The following NEO1 variants were observed in gnomAD, a reference collection of about 807,000 sequenced individuals.
NEO1 encodes neogenin.
NEO1 carries 63 observed loss-of-function variants against 159.7 expected under a neutral mutation model. The observed-to-expected ratio is 0.39, with a 90% confidence interval of 0.32 to 0.49. The LOEUF is 0.49. Among genes scored for constraint, NEO1 ranks in the 20% least tolerant of loss-of-function variants. The probability of loss-of-function intolerance (pLI) is 0.85; values close to 1 mark genes in which losing one functional copy is unlikely to be tolerated. For missense variants in NEO1, 1,615 were observed against 1,831.0 expected, an observed-to-expected ratio of 0.88 and a Z score of 2.15; for synonymous variants, 633 against 662.0, an observed-to-expected ratio of 0.96 and a Z score of 0.67.
chr15:73,274,853 T>C (rs923133038), intron 21 of NEO1, 129 bp downstream of exon 21: 2 of 859,768 alleles, frequency 2.3e-6, no homozygotes, highest in Non-Finnish European at 3.6e-6. Context: ...CACACAGTTA[T>C]TGGCCAAAGT....
intron 1 of NEO1, among the ~76,000 whole-genome samples, chr15:73,076,882 T>A (rs998198438): frequency 2.0e-5 from 3 of 152,190 alleles, no homozygotes; most frequent in Non-Finnish European, 2.9e-5. Flanking sequence ...CAACTGTGTT[T>A]TCTTAGGTCC....
At chr15:73,135,838 T>C (rs1567281663) in intron 4 of NEO1, 53 bp from the exon 5 acceptor site, 1 of 1,425,294 alleles carries the variant, frequency 7.0e-7, no homozygotes, top group Non-Finnish European at 9.2e-7. Context: ...TTTTCAGGTA[T>C]TATTTTCCTA....
intron 14 of NEO1, 38 bp downstream of exon 14, chr15:73,258,914 T>C (rs2040489220): frequency 6.6e-7 from 1 of 1,525,140 alleles, no homozygotes; most frequent in Non-Finnish European, 9.1e-7. Flanking sequence ...ACACAATAGA[T>C]ACTAGCTGTA....
intron 7 of NEO1, among the ~76,000 whole-genome samples, chr15:73,193,295 A>T (rs2036340591): frequency 6.6e-6 from 1 of 152,088 alleles, no homozygotes; most frequent in South Asian, 2.1e-4. Context: ...GTAAAATTAT[A>T]GAGTCTAGCT....
rs79521488 is a variant in NEO1 at position 73,062,890 on chromosome 15, G to A, written c.130+10085G>A. Among the ~76,000 whole-genome samples, 1,311 of 152,274 alleles carry A rather than the reference G, an allele frequency of 8.6e-3. 23 individuals are homozygous for A. Among genetic ancestry groups the A allele is most frequent in the African/African-American group, 0.03 (1,237 of 41,554 alleles). On this transcript the variant is annotated intron_variant, in intron 1 of 28. Coordinates refer to ENST00000261908, the MANE Select transcript of NEO1 (RefSeq NM_002499.4). The stretch of plus-strand genomic sequence containing the variant: ...CAGTTGAAAAGTCTAGGCTAGAAAC[G>A]TAGGCTCACAGGTTATCTGATAGAG...
intron 5 of NEO1, among the ~76,000 whole-genome samples, chr15:73,173,940 A>G (rs879638540): frequency 1.3e-5 from 2 of 152,018 alleles, no homozygotes; most frequent in Non-Finnish European, 2.9e-5. Context: ...TCTCTACTAA[A>G]AATACAAAAA....
chr15:73,224,157 G>A (rs1252941368), intron 7 of NEO1, among the ~76,000 whole-genome samples: 1 of 152,152 alleles, frequency 6.6e-6, no homozygotes. Context: ...TAGGGTTTCT[G>A]CTGAGAAATC....
chr15:73,239,105 A>G (rs2039356943), intron 8 of NEO1, among the ~76,000 whole-genome samples: 1 of 152,108 alleles, frequency 6.6e-6, no homozygotes, highest in Non-Finnish European at 1.5e-5. Context: ...TCAGCCTCCC[A>G]AAGTGCTGGA....
intron 1 of NEO1, among the ~76,000 whole-genome samples, chr15:73,097,360 T>TTTC (rs1193121450): frequency 6.9e-6 from 1 of 145,426 alleles, no homozygotes; most frequent in African/African-American, 2.5e-5. Context: ...AGAGCCTCTT[T>TTTC]TTTTTTTTTT....
chr15:73,231,353 G>A (rs1372696630), intron 7 of NEO1, among the ~76,000 whole-genome samples: 1 of 152,132 alleles, frequency 6.6e-6, no homozygotes, highest in Non-Finnish European at 1.5e-5. Flanking sequence ...ATAATATATA[G>A]TGTGTTCTCT....
chr15:73,156,928 G>T (rs918253675), intron 5 of NEO1, among the ~76,000 whole-genome samples: 1 of 152,162 alleles, frequency 6.6e-6, no homozygotes, highest in African/African-American at 2.4e-5. Context: ...TTGGGTGAGG[G>T]ATGACTGTTG....
intron 8 of NEO1, among the ~76,000 whole-genome samples, chr15:73,241,309 T>C (rs2039475580): frequency 6.6e-6 from 1 of 152,232 alleles, no homozygotes. Context: ...AGTCAAGGGG[T>C]TAGCAAACCA....
chr15:73,288,464 A>G lies in NEO1; in HGVS notation c.3562A>G (p.Thr1188Ala). The G allele has an allele frequency of 6.2e-7, 1 of 1,614,144 alleles. No individual in the cohort carries two copies. The highest frequency in any genetic ancestry group is 1.1e-5 in the South Asian group (1 of 91,084). ...SPDPNPIMTD[T>A]PIPRNSQDIT... Reference sequence around the variant, plus strand: ...AGACCCAAACCCCATCATGACTGATACTCCAATTCCTCGCAACTCTCAAGA... The same window carrying G: ...AGACCCAAACCCCATCATGACTGATGCTCCAATTCCTCGCAACTCTCAAGA... The change falls in exon 24 of 29, where the codon ACT becomes GCT. Residue 1188 changes from threonine (T) to alanine (A), a missense_variant. By Grantham distance (58) the Thr-to-Ala change is moderately conservative. Coordinates refer to ENST00000261908, the MANE Select transcript of NEO1 (RefSeq NM_002499.4).
intron 7 of NEO1, among the ~76,000 whole-genome samples, chr15:73,216,385 A>G (rs997231873): frequency 3.3e-4 from 50 of 152,310 alleles, no homozygotes; most frequent in Middle Eastern, 3.4e-3. Flanking sequence ...TAGTGCCGCA[A>G]TAAACATACA....
intron 8 of NEO1, among the ~76,000 whole-genome samples, chr15:73,242,817 A>G (rs192635062): frequency 5.9e-5 from 9 of 152,344 alleles, no homozygotes; most frequent in Admixed American, 5.9e-4. Context: ...TCTCAGGAGT[A>G]GCAGAGGCAG....
Position 73,283,058 on chromosome 15 carries a change from G to T in NEO1, c.3357G>T (p.Val1119=), listed in dbSNP as rs1324715295. Residue 1119 remains valine (V), a synonymous_variant, in exon 23 of 29, where the codon GTG becomes GTT. Coordinates refer to ENST00000261908, the MANE Select transcript of NEO1 (RefSeq NM_002499.4). Reference sequence around the variant, plus strand: ...CTGTTGGCGTCATCACCATCGTGGTGGTTGTGATTATCGCTGTCTTTTGTA... The same window carrying T: ...CTGTTGGCGTCATCACCATCGTGGTTGTTGTGATTATCGCTGTCTTTTGTA... ...IVSVGVITIV[V]VVIIAVFCTR... 6.2e-7 allele frequency: 1 copy of T among 1,614,178 alleles called. No individual in the cohort carries two copies.
intron 7 of NEO1, among the ~76,000 whole-genome samples, chr15:73,179,757 CTG>C (rs2035491102): frequency 6.6e-6 from 1 of 152,040 alleles, no homozygotes; most frequent in African/African-American, 2.4e-5. Flanking sequence ...CCTGGGTACA[CTG>C]TGTATGGTTT....
intron 7 of NEO1, among the ~76,000 whole-genome samples, chr15:73,213,499 T>C (rs968516504): frequency 5.9e-5 from 9 of 152,194 alleles, no homozygotes; most frequent in Non-Finnish European, 1.3e-4. Context: ...AGCTCCCACA[T>C]GTCGGTGAGA....
At chr15:73,144,191 A>G (rs930910561) in intron 5 of NEO1, among the ~76,000 whole-genome samples, 5 of 152,242 alleles carry the variant, frequency 3.3e-5, no homozygotes, top group Admixed American at 3.3e-4. Flanking sequence ...AAGATGAACC[A>G]TTACCTCTAC....
Sources: allele counts gnomAD v4.1 joint callset (sites outside exome capture counted in the v4.1 genomes callset), GRCh38; gene constraint gnomAD v4.1.1; transcripts MANE v1.5; gene names NCBI Gene and HGNC (gene_info 2026-07-23, HGNC 2026-07-21).